Variants in FANCD2OS observed in about 807,000 individuals in gnomAD.
The protein encoded by FANCD2OS is FANCD2 opposite strand.
Under a neutral mutation model 13.2 loss-of-function variants are expected in FANCD2OS, and 11 were observed. That is an observed-to-expected ratio of 0.83 (90% confidence interval 0.52 to 1.38). The LOEUF (loss-of-function observed/expected upper bound fraction) is 1.38. Among genes scored for constraint, FANCD2OS ranks in the 40% most tolerant of loss-of-function variants. The pLI is 0.00. For missense variants in FANCD2OS, 217 were observed against 213.9 expected (o/e 1.01, Z -0.09); for synonymous variants, 69 against 84.5 (o/e 0.82, Z 1.01).
At chr3:10,100,118 G>T (rs1695214383), downstream of FANCD2OS, among the ~76,000 whole-genome samples, 1 of 152,056 alleles carries the variant, frequency 6.6e-6, no homozygotes, top group Admixed American at 6.5e-5. Flanking sequence ...AGCCCAGGAG[G>T]TGGAGGCTGC....
chr3:10,105,445 A>G (rs921188669), intron 1 of FANCD2OS, among the ~76,000 whole-genome samples: 8 of 151,930 alleles, frequency 5.3e-5, no homozygotes, highest in African/African-American at 1.7e-4. Context: ...AAGCTCAGAA[A>G]AGTCATGTCT....
At chr3:10,102,143 CT>C (rs747148572), downstream of FANCD2OS, among the ~76,000 whole-genome samples, 21,192 of 132,912 alleles carry the variant, frequency 0.16, 936 homozygotes, top group South Asian at 0.2. Flanking sequence ...ATCTTCTTTC[CT>C]TTTTTTTTTT....
In FANCD2OS at chr3:10,105,749, T is replaced by TA. The variant is rs142496934; in HGVS notation, c.-8-968dup. Among the ~76,000 whole-genome samples the TA allele has an allele frequency of 8.5e-4, 19 of 22,270 alleles. 1 individual carries two copies. Among genetic ancestry groups the TA allele is most frequent in the African/African-American group, 1.6e-3 (7 of 4,380 alleles). The allele number at this position is 22,270 out of a possible 152,430, so 14.6% of individuals were successfully genotyped here. ...CTGGGTGAAAGAGCAAGACTCCATC[T>TA]AAAAAAAAAAAAAAAAAAAAAATTA... On this transcript the variant is annotated intron_variant, in intron 1 of 1. Coordinates refer to ENST00000450660, the MANE Select transcript of FANCD2OS (RefSeq NM_001164839.2).
downstream of FANCD2OS, chr3:10,098,738 C>G (rs778677652): frequency 1.2e-6 from 2 of 1,614,122 alleles, no homozygotes; most frequent in Admixed American, 1.7e-5. Flanking sequence ...GATTAAGTCC[C>G]AAAATTCCCA....
intron 2 of FANCD2OS, among the ~76,000 whole-genome samples, chr3:10,082,898 A>G (rs536983718): frequency 3.9e-5 from 6 of 151,984 alleles, no homozygotes; most frequent in African/African-American, 1.4e-4. Flanking sequence ...AAAACTTTGA[A>G]CAATTTATCA....
At chr3:10,094,150 CT>C in intron 2 of FANCD2OS, 1 of 699,608 alleles carries the variant, frequency 1.4e-6, no homozygotes, top group Non-Finnish European at 2.5e-6. Flanking sequence ...CCAAATAAAC[CT>C]TTTGGACCCT....
At chr3:10,096,540 T>G (rs1694978435) in intron 2 of FANCD2OS, 2 of 1,482,854 alleles carry the variant, frequency 1.3e-6, no homozygotes, top group Non-Finnish European at 1.9e-6. Flanking sequence ...AGATGGCATG[T>G]AAGGAAGGTC....
chr3:10,085,599 C>G (rs1694143964), intron 2 of FANCD2OS, among the ~76,000 whole-genome samples: 1 of 151,970 alleles, frequency 6.6e-6, no homozygotes, highest in Non-Finnish European at 1.5e-5. Flanking sequence ...ACCGTGTTGG[C>G]CAAGATGGTC....
intron 2 of FANCD2OS, among the ~76,000 whole-genome samples, chr3:10,084,740 G>C (rs895467116): frequency 4.6e-5 from 7 of 152,226 alleles, no homozygotes; most frequent in Non-Finnish European, 1.0e-4. Context: ...CTGGTGATCA[G>C]GAAGATGCTT....
Position 10,104,205 on chromosome 3 carries a change from C to A in FANCD2OS, c.*36G>T. The A allele has an allele frequency of 1.9e-6, 3 of 1,541,958 alleles. No homozygotes were observed. Among genetic ancestry groups the A allele is most frequent in the Non-Finnish European group, 2.6e-6 (3 of 1,137,618 alleles). On this transcript the variant is annotated 3_prime_UTR_variant, in exon 2 of 2. Coordinates refer to ENST00000450660, the MANE Select transcript of FANCD2OS (RefSeq NM_001164839.2). ...TAAGCTTTAGGTACATACCAAAGGG[C>A]ATGGTGTGAGTAAATGGGGATCAAA...
chr3:10,094,218 G>C (rs1694818288), intron 2 of FANCD2OS: 16 of 1,121,250 alleles, frequency 1.4e-5, no homozygotes, highest in Non-Finnish European at 5.5e-6. Context: ...GGCTGGATGA[G>C]ACTATTCTGC....
At chr3:10,099,255 A>G (rs1208852119), downstream of FANCD2OS, 2 of 1,296,798 alleles carry the variant, frequency 1.5e-6, no homozygotes, top group Non-Finnish European at 2.0e-6. Context: ...ACCTTAGAGA[A>G]CTGAAATAAA....
At chr3:10,088,718 A>T (rs1430396243) in intron 2 of FANCD2OS, 6 of 1,247,286 alleles carry the variant, frequency 4.8e-6, no homozygotes, top group Non-Finnish European at 7.0e-6. Flanking sequence ...TCTGTTTTAT[A>T]CTGTTAGCTA....
At chr3:10,103,337 G>A (rs1245884460), downstream of FANCD2OS, among the ~76,000 whole-genome samples, 1 of 152,184 alleles carries the variant, frequency 6.6e-6, no homozygotes, top group Non-Finnish European at 1.5e-5. Context: ...GGGAGGCAGA[G>A]GTTGCGGTGA....
intron 1 of FANCD2OS, 22 bp from the exon 2 acceptor site, chr3:10,104,804 A>G (rs1487490892): frequency 1.3e-5 from 20 of 1,527,070 alleles, no homozygotes; most frequent in Non-Finnish European, 1.7e-5. Context: ...AAATCAGAGC[A>G]TGGAATTTCC....
Position 10,104,268 on chromosome 3 carries a change from G to A in FANCD2OS, c.507C>T (p.Cys169=). The A allele has an allele frequency of 6.2e-7, 1 of 1,612,266 alleles. No individual in the cohort carries two copies. The highest frequency in any genetic ancestry group is 8.5e-7 in the Non-Finnish European group (1 of 1,179,034). ...ILLLYATYKK[C]TFALQHSK is the part of the protein sequence containing the mutation. ...ACTTGGAGTGCTGCAAGGCAAAGGTGCACTTTTTGTAAGTTGCATACAGCA... is the reference window on the plus strand; with the variant it reads ...ACTTGGAGTGCTGCAAGGCAAAGGTACACTTTTTGTAAGTTGCATACAGCA... The change falls in exon 2 of 2, where the codon TGC becomes TGT. Residue 169 remains cysteine (C), a synonymous_variant. Transcript: ENST00000450660.
At chr3:10,107,511 C>T (rs1695532791) in intron 1 of FANCD2OS, among the ~76,000 whole-genome samples, 1 of 151,968 alleles carries the variant, frequency 6.6e-6, no homozygotes, top group Admixed American at 6.5e-5. Flanking sequence ...TGGTCTCGAT[C>T]TCCTGACCTC....
intron 1 of FANCD2OS, among the ~76,000 whole-genome samples, chr3:10,106,576 G>C (rs1245101474): frequency 6.6e-6 from 1 of 152,026 alleles, no homozygotes; most frequent in African/African-American, 2.4e-5. Context: ...TGAAAATTTT[G>C]ACACCTTCAC....
chr3:10,091,829 G>A (rs1031066916), intron 2 of FANCD2OS, among the ~76,000 whole-genome samples: 18 of 152,206 alleles, frequency 1.2e-4, no homozygotes, highest in Admixed American at 4.6e-4. Flanking sequence ...GTGCAGTGGC[G>A]CACGTCTGTA....
Sources: gnomAD v4.1 joint callset for allele counts (sites outside exome capture counted in the v4.1 genomes callset) on GRCh38, gnomAD v4.1.1 for gene constraint, MANE v1.5 for transcripts, NCBI Gene and HGNC (gene_info 2026-07-23, HGNC 2026-07-21) for gene names.